The following FANCI variants were observed in gnomAD, a reference collection of about 807,000 sequenced individuals.
FANCI encodes Fanconi anemia group I protein.
In FANCI, 156 loss-of-function variants were observed where a neutral mutation model predicts 176.1. That is an observed-to-expected ratio of 0.89 (90% CI 0.78 to 1.01). The LOEUF is 1.01. Ranked by LOEUF, FANCI falls within the 50% of genes least tolerant of loss-of-function variation. FANCI has a pLI of 0.00. For missense variants in FANCI, 1,678 were observed against 1,534.1 expected, an observed-to-expected ratio of 1.09 and a Z score of -1.57; for synonymous variants, 613 against 541.7, an observed-to-expected ratio of 1.13 and a Z score of -1.83.
intron 34 of FANCI, among the ~76,000 whole-genome samples, chr15:89,309,681 C>A (rs1430389079): frequency 6.6e-6 from 1 of 152,126 alleles, no homozygotes; most frequent in African/African-American, 2.4e-5. Flanking sequence ...CATGATCATG[C>A]CACTGTACTC....
intron 22 of FANCI, among the ~76,000 whole-genome samples, chr15:89,293,576 T>C (rs2054145048): frequency 6.6e-6 from 1 of 152,148 alleles, no homozygotes; most frequent in African/African-American, 2.4e-5. Context: ...TAGTCCTAGC[T>C]ACTCGGGAGG....
At chr15:89,309,068 T>C (rs1567176574) in intron 34 of FANCI, among the ~76,000 whole-genome samples, 1 of 152,196 alleles carries the variant, frequency 6.6e-6, no homozygotes, top group Non-Finnish European at 1.5e-5. Flanking sequence ...ATCAGTTTTG[T>C]GATCTGGGTC....
At chr15:89,267,383 A>C (rs760571699) in intron 9 of FANCI, among the ~76,000 whole-genome samples, 1 of 151,534 alleles carries the variant, frequency 6.6e-6, no homozygotes, top group Non-Finnish European at 1.5e-5. Context: ...CTGGAAGCTA[A>C]GAGAAGAAAA....
rs80254450 is a variant in FANCI, at chr15:89,252,703, G to A, written c.84+4972G>A. ...TGCAGTGAGCTGAGATCACGCCACT[G>A]TACTCCAGCCTGGGCCCCATTTACA... On this transcript the variant is annotated intron_variant, in intron 2 of 37. Coordinates refer to ENST00000310775, the MANE Select transcript of FANCI (RefSeq NM_001113378.2). 4.3e-3 allele frequency among the ~76,000 whole-genome samples: 657 copies of A among 152,316 alleles called. 8 individuals carry two copies. The highest frequency in any genetic ancestry group is 0.015 in the African/African-American group (629 of 41,560).
At chr15:89,281,103 G>A (rs975954797) in intron 14 of FANCI, 67 bp from the exon 15 acceptor site, 8 of 1,524,682 alleles carry the variant, frequency 5.2e-6, no homozygotes, top group East Asian at 4.6e-5. Context: ...TTCTTTCTCC[G>A]TATTTTTCTT....
chr15:89,273,512 A>G lies in FANCI; in HGVS notation c.975+43A>G, dbSNP rs763860993. ...CATTTTGTTTCTTTCTGTAGTTGGT[A>G]AAAAAAAAAAAAAAAAAAAAAAATC... On this transcript the variant is annotated intron_variant, in intron 11 of 37. Coordinates refer to ENST00000310775, the MANE Select transcript of FANCI (RefSeq NM_001113378.2). 0.015 allele frequency: 1,068 copies of G among 71,948 alleles called. 5 individuals carry two copies. The highest frequency in any genetic ancestry group is 0.13 in the Middle Eastern group (38 of 300). 4.5% of individuals were successfully genotyped at this position (71,948 alleles called of 1,614,324 possible).
intron 32 of FANCI, among the ~76,000 whole-genome samples, chr15:89,306,701 A>G (rs1020667658): frequency 6.4e-4 from 98 of 152,240 alleles, no homozygotes; most frequent in Middle Eastern, 3.4e-3. Context: ...CAAAAATTAA[A>G]AAAATAAAGT....
chr15:89,259,015 T>C (rs904685428), intron 3 of FANCI: 7 of 485,356 alleles, frequency 1.4e-5, no homozygotes, highest in Middle Eastern at 6.1e-4. Context: ...AATTACAGAA[T>C]GTGCTTTTCG....
intron 18 of FANCI, 24 bp downstream of exon 18, chr15:89,285,242 T>C: frequency 1.2e-6 from 2 of 1,613,744 alleles, no homozygotes; most frequent in Non-Finnish European, 1.7e-6. Context: ...ATGGAAAGAA[T>C]GTAGCAAAAC....
chr15:89,310,840 A>T lies in FANCI; in HGVS notation c.3652-2064A>T, dbSNP rs117625928. Among the ~76,000 whole-genome samples the T allele has an allele frequency of 1.5e-3, 221 of 152,326 alleles. 1 individual carries two copies. The highest frequency in any genetic ancestry group is 2.3e-3 in the Non-Finnish European group (154 of 68,030). On this transcript the variant is annotated intron_variant, in intron 34 of 37. Coordinates refer to ENST00000310775, the MANE Select transcript of FANCI (RefSeq NM_001113378.2). ...TGTATACCTTTAAAAGATGCTTCTCAAGGGTCGGACATGGTGGCTCATGCC... is the reference window on the plus strand; with the variant it reads ...TGTATACCTTTAAAAGATGCTTCTCTAGGGTCGGACATGGTGGCTCATGCC...
At chr15:89,315,228 T>C in intron 36 of FANCI, 54 bp from the exon 37 acceptor site, 1 of 1,364,022 alleles carries the variant, frequency 7.3e-7, no homozygotes, top group Non-Finnish European at 1.1e-6. Context: ...GCTTAAGCTG[T>C]TCTGGCAGGA....
chr15:89,245,494 G>A (rs906565607), intron 1 of FANCI, among the ~76,000 whole-genome samples: 11 of 151,874 alleles, frequency 7.2e-5, no homozygotes, highest in African/African-American at 2.2e-4. Flanking sequence ...ACTGCGCCTG[G>A]CCTAGACTGA....
At chr15:89,279,302 C>T (rs1025705880) in intron 14 of FANCI, among the ~76,000 whole-genome samples, 5 of 152,152 alleles carry the variant, frequency 3.3e-5, no homozygotes, top group Non-Finnish European at 7.3e-5. Context: ...GGATTACAGG[C>T]GCACGCTACC....
chr15:89,263,408 T>C lies in FANCI; in HGVS notation c.504-11T>C. On this transcript the variant is annotated splice_polypyrimidine_tract_variant and intron_variant, in intron 6 of 37. Transcript: ENST00000310775. ...TGTAAAGAAATAAACTTTGTCATTT[T>C]CTTCTACCAGGTGGGATCAGCAATA... The C allele has an allele frequency of 1.2e-6, 2 of 1,610,660 alleles. No homozygotes were observed. Among genetic ancestry groups the C allele is most frequent in the Non-Finnish European group, 1.7e-6 (2 of 1,177,018 alleles).
chr15:89,254,082 G>A (rs1008896580), intron 2 of FANCI, among the ~76,000 whole-genome samples: 2 of 152,066 alleles, frequency 1.3e-5, no homozygotes, highest in African/African-American at 4.8e-5. Flanking sequence ...ATAGTTGCTC[G>A]GTGCGGTGGC....
intron 1 of FANCI, chr15:89,245,385 G>C (rs1371149671): frequency 9.2e-6 from 1 of 108,714 alleles, no homozygotes; most frequent in East Asian, 2.5e-4. Context: ...TTTTAGTAGA[G>C]ACGGGGTTTC....
intron 17 of FANCI, among the ~76,000 whole-genome samples, chr15:89,284,685 A>G (rs2053748746): frequency 6.6e-6 from 1 of 152,214 alleles, no homozygotes; most frequent in African/African-American, 2.4e-5. Flanking sequence ...GTCCATTTCT[A>G]AACAAAAGAC....
intron 6 of FANCI, among the ~76,000 whole-genome samples, chr15:89,262,866 G>A (rs1002849420): frequency 6.6e-6 from 1 of 152,078 alleles, no homozygotes; most frequent in Non-Finnish European, 1.5e-5. Context: ...TCCAGTTTTT[G>A]TGCTATTACA....
At chr15:89,309,444 T>C (rs537520829) in intron 34 of FANCI, among the ~76,000 whole-genome samples, 1 of 152,206 alleles carries the variant, frequency 6.6e-6, no homozygotes, top group South Asian at 2.1e-4. Flanking sequence ...ATTCGTGGTG[T>C]CCATTTGCAT....
Sources: allele counts gnomAD v4.1 joint callset (sites outside exome capture counted in the v4.1 genomes callset), GRCh38; gene constraint gnomAD v4.1.1; transcripts MANE v1.5; gene names NCBI Gene and HGNC (gene_info 2026-07-23, HGNC 2026-07-21).